The following NASP variants were observed in gnomAD, a reference collection of about 807,000 sequenced individuals.
The protein encoded by NASP is nuclear autoantigenic sperm protein.
NASP carries 24 observed loss-of-function variants against 89.5 expected under a neutral mutation model. The ratio of observed to expected loss-of-function variants is 0.27; its 90% CI spans 0.19 to 0.38. The LOEUF is 0.38. NASP is among the 10% of genes least tolerant of loss of function. The probability of loss-of-function intolerance (pLI) is 1.00; values close to 1 mark genes in which losing one functional copy is unlikely to be tolerated. For synonymous variants in NASP, 306 were observed against 324.7 expected, an observed-to-expected ratio of 0.94 and a Z score of 0.62; for missense variants, 848 against 921.4, an observed-to-expected ratio of 0.92 and a Z score of 1.03.
chr1:45,584,942 G>T (rs1644508965), intron 1 of NASP, among the ~76,000 whole-genome samples: 1 of 152,218 alleles, frequency 6.6e-6, no homozygotes, highest in African/African-American at 2.4e-5. Flanking sequence ...GAGGATTGTC[G>T]TTCTTTAGAC....
Position 45,608,206 on chromosome 1 carries a change from C to T in NASP, c.1295C>T (p.Ser432Phe). 6.2e-7 allele frequency: 1 copy of T among 1,614,174 alleles called. No homozygotes were observed. ...QEETKLSVEE[S>F]EAAGDGVDTK... Reference sequence around the variant, plus strand: ...GAGACTAAGCTGTCTGTAGAAGAGTCTGAGGCAGCTGGAGATGGGGTTGAT... The same window carrying T: ...GAGACTAAGCTGTCTGTAGAAGAGTTTGAGGCAGCTGGAGATGGGGTTGAT... Residue 432 changes from serine to phenylalanine, a missense_variant, in exon 6 of 15, where the codon TCT (serine) becomes TTT (phenylalanine). This residue lies in a region of NASP where 464 missense variants were observed against 469.4 expected (regional missense o/e 0.99). Transcript: ENST00000350030.
intron 11 of NASP, 116 bp from the exon 12 acceptor site, chr1:45,616,221 G>GC: frequency 1.1e-6 from 1 of 919,774 alleles, no homozygotes; most frequent in South Asian, 1.4e-5. Context: ...CTATATGGAG[G>GC]CCACTAGCAT....
intron 2 of NASP, among the ~76,000 whole-genome samples, chr1:45,597,464 G>A (rs970637632): frequency 6.6e-6 from 1 of 151,958 alleles, no homozygotes; most frequent in Admixed American, 6.6e-5. Context: ...AAGAAAACAC[G>A]GTAGAGTAGT....
At chr1:45,588,265 G>A (rs559909518) in intron 1 of NASP, among the ~76,000 whole-genome samples, 1 of 151,702 alleles carries the variant, frequency 6.6e-6, no homozygotes. Context: ...CACCACACCT[G>A]GCTAATTTTT....
chr1:45,600,855 C>T (rs1334450269), intron 2 of NASP, among the ~76,000 whole-genome samples: 1 of 152,144 alleles, frequency 6.6e-6, no homozygotes, highest in Non-Finnish European at 1.5e-5. Flanking sequence ...GATATGTGGT[C>T]AGTCTTTTAA....
chr1:45,584,883 G>T (rs1644507558), intron 1 of NASP, among the ~76,000 whole-genome samples: 1 of 152,250 alleles, frequency 6.6e-6, no homozygotes, highest in African/African-American at 2.4e-5. Context: ...CTTGTGCTGG[G>T]AGATAGTTAT....
At chr1:45,584,674 G>A (rs572159716) in intron 1 of NASP, among the ~76,000 whole-genome samples, 4 of 152,174 alleles carry the variant, frequency 2.6e-5, no homozygotes, top group East Asian at 1.9e-4. Flanking sequence ...GGACCTGAGG[G>A]GTCGGGGTGG....
rs1319574632 is a variant in NASP at position 45,607,731 on chromosome 1, C to G, written c.820C>G (p.Pro274Ala). ...GEVIVSIEEK[P>A]KEVSEEQPVV... ...GGTAATTGTGAGCATAGAGGAGAAG[C>G]CAAAAGAAGTTTCAGAAGAGCAGCC... The change falls in exon 6 of 15, where the codon CCA becomes GCA. Residue 274 changes from proline to alanine, a missense_variant. By Grantham distance (27) the Pro-to-Ala change is conservative. Transcript: ENST00000350030. The G allele has an allele frequency of 5.6e-6, 9 of 1,613,868 alleles. No homozygotes were observed. Among genetic ancestry groups the G allele is most frequent in the Non-Finnish European group, 7.6e-6 (9 of 1,180,014 alleles).
intron 2 of NASP, among the ~76,000 whole-genome samples, chr1:45,594,939 G>T (rs975583036): frequency 6.6e-6 from 1 of 152,062 alleles, no homozygotes; most frequent in Non-Finnish European, 1.5e-5. Context: ...CAGTTATACC[G>T]CATTTCTCCG....
At chr1:45,596,510 G>A (rs979746228) in intron 2 of NASP, among the ~76,000 whole-genome samples, 3 of 152,236 alleles carry the variant, frequency 2.0e-5, no homozygotes, top group African/African-American at 4.8e-5. Flanking sequence ...TGTTCTTAAC[G>A]TTCATCCATG....
chr1:45,584,929 G>A (rs76844530), intron 1 of NASP, among the ~76,000 whole-genome samples: 1,646 of 152,330 alleles, frequency 0.011, 29 homozygotes, highest in African/African-American at 0.037. Flanking sequence ...TGCCTGTGGT[G>A]GGGAGGATTG....
intron 1 of NASP, among the ~76,000 whole-genome samples, chr1:45,586,280 GTGTGGTGT>G (rs1222063097): frequency 1.8e-3 from 82 of 45,674 alleles, no homozygotes; most frequent in African/African-American, 5.2e-3. Flanking sequence ...GTGTGTGTGT[GTGTGGTGT>G]GTGTGTGTGT....
intron 3 of NASP, among the ~76,000 whole-genome samples, chr1:45,603,888 C>T (rs1476215940): frequency 1.3e-5 from 2 of 152,134 alleles, no homozygotes; most frequent in African/African-American, 4.8e-5. Flanking sequence ...GGATTACAGG[C>T]GTGAGCCACT....
At chr1:45,586,797 A>C (rs1055345705) in intron 1 of NASP, among the ~76,000 whole-genome samples, 2 of 152,216 alleles carry the variant, frequency 1.3e-5, no homozygotes, top group African/African-American at 4.8e-5. Context: ...TGACCATTGA[A>C]AGAATAAATA....
chr1:45,605,256 A>G (rs1253852148), intron 4 of NASP, among the ~76,000 whole-genome samples: 3 of 152,172 alleles, frequency 2.0e-5, no homozygotes, highest in Non-Finnish European at 1.5e-5. Flanking sequence ...CAGTGTAGAG[A>G]ATCTTTAAAA....
At chr1:45,601,845 C>T (rs1227397048) in intron 2 of NASP, among the ~76,000 whole-genome samples, 1 of 146,482 alleles carries the variant, frequency 6.8e-6, no homozygotes, top group East Asian at 2.0e-4. Flanking sequence ...AGCTCCGCCT[C>T]CTGGGTTCAT....
chr1:45,588,101 G>A (rs1287911389), intron 1 of NASP, among the ~76,000 whole-genome samples: 8 of 151,746 alleles, frequency 5.3e-5, no homozygotes, highest in Non-Finnish European at 8.8e-5. Flanking sequence ...TCAGCCAGGC[G>A]TGGTTGCGCA....
In NASP at chr1:45,616,641, C is replaced by T. The variant is rs767687243; in HGVS notation, c.2095C>T (p.Pro699Ser). The T allele has an allele frequency of 6.2e-7, 1 of 1,613,908 alleles. No homozygotes were observed. The highest frequency in any genetic ancestry group is 8.5e-7 in the Non-Finnish European group (1 of 1,179,932). The change falls in exon 13 of 15, where the codon CCA becomes TCA. Residue 699 changes from proline (P) to serine (S), a missense_variant. Physicochemically the swap from Pro to Ser is moderately conservative, Grantham distance 74. This residue lies in a region of NASP where 218 missense variants were observed against 219.6 expected (regional missense o/e 0.99). Coordinates refer to ENST00000350030, the MANE Select transcript of NASP (RefSeq NM_002482.4). ...ATTTTGCCAGATTGCCAGTAGAAAG[C>T]CAACAGACGGTGCTTCCTCATCAAA... ...SSVSMIASRK[P>S]TDGASSSNCV...
rs773972240 is a variant in NASP, at chr1:45,608,185, C to T, written c.1274C>T (p.Thr425Ile). 4 of 1,614,182 alleles carry T rather than the reference C, an allele frequency of 2.5e-6. No homozygotes were observed. In the South Asian group the frequency reaches 4.4e-5, roughly 18 times the overall value. The part of the protein sequence containing the change: ...RAKLVPSQEE[T>I]KLSVEESEAA... Reference sequence around the variant, plus strand: ...AAGCTGGTTCCTAGTCAGGAGGAGACTAAGCTGTCTGTAGAAGAGTCTGAG... The same window carrying T: ...AAGCTGGTTCCTAGTCAGGAGGAGATTAAGCTGTCTGTAGAAGAGTCTGAG... The change falls in exon 6 of 15, where the codon ACT becomes ATT. Residue 425 changes from threonine (T) to isoleucine (I), a missense_variant. This residue lies in a region of NASP where 464 missense variants were observed against 469.4 expected (regional missense o/e 0.99). Coordinates refer to ENST00000350030, the MANE Select transcript of NASP (RefSeq NM_002482.4).
Sources: gnomAD v4.1 joint callset for allele counts (sites outside exome capture counted in the v4.1 genomes callset) on GRCh38, gnomAD v4.1.1 for gene constraint, gnomAD v4.1.1 regional missense constraint, MANE v1.5 for transcripts, NCBI Gene and HGNC (gene_info 2026-07-23, HGNC 2026-07-21) for gene names.